PLXNC1: variants seen among roughly 807,000 people sequenced by gnomAD.
The protein encoded by PLXNC1 is plexin-C1.
Under a neutral mutation model 178.2 loss-of-function variants are expected in PLXNC1, and 75 were observed. The ratio of observed to expected loss-of-function variants is 0.42; its 90% confidence interval spans 0.35 to 0.51. The LOEUF is 0.51. Among genes scored for constraint, PLXNC1 ranks in the 20% least tolerant of loss-of-function variants. The pLI, the probability that PLXNC1 is intolerant of heterozygous loss-of-function variation, is 0.02. For missense variants in PLXNC1, 1,503 were observed against 1,984.4 expected, an observed-to-expected ratio of 0.76 and a Z score of 4.61; for synonymous variants, 790 against 779.9, an observed-to-expected ratio of 1.01 and a Z score of -0.22.
Position 94,209,583 on chromosome 12 carries a change from T to G in PLXNC1, c.1440-7T>G, listed in dbSNP as rs562396466. On this transcript the variant is annotated splice_region_variant and splice_polypyrimidine_tract_variant and intron_variant, in intron 4 of 30. Coordinates refer to ENST00000258526, the MANE Select transcript of PLXNC1 (RefSeq NM_005761.3). ...GGGGTCGCTGTTTTGTTGCCTCGTTTTTTTAGGTGCACTTTTCAAGGAGAT... is the reference window on the plus strand; with the variant it reads ...GGGGTCGCTGTTTTGTTGCCTCGTTGTTTTAGGTGCACTTTTCAAGGAGAT... The G allele has an allele frequency of 3.7e-5, 59 of 1,583,754 alleles. No homozygotes were observed. In the East Asian group the frequency reaches 1.3e-3, roughly 34 times the overall value.
At position 94,218,844 on chromosome 12, in the gene PLXNC1, A is replaced by G. The variant is rs142546602; in HGVS notation, c.1555-1172A>G. Among the ~76,000 whole-genome samples, 15 of 152,304 alleles carry G rather than the reference A, an allele frequency of 9.8e-5. No homozygotes were observed. The East Asian group carries it at 2.9e-3, about 29-fold the overall frequency. On this transcript the variant is annotated intron_variant, in intron 5 of 30. Coordinates refer to ENST00000258526, the MANE Select transcript of PLXNC1 (RefSeq NM_005761.3). The stretch of plus-strand genomic sequence containing the variant: ...TAACTAATTCTAAAGCACATTTCAC[A>G]GGCCACCTTCTTTAATCATTATCTA...
chr12:94,229,500 C>G (rs1964032210), intron 9 of PLXNC1, among the ~76,000 whole-genome samples: 2 of 152,116 alleles, frequency 1.3e-5, no homozygotes, highest in Non-Finnish European at 1.5e-5. Flanking sequence ...ATGAAACTTT[C>G]TTTCTGCATT....
At chr12:94,150,155 G>C (rs1046136277) in intron 1 of PLXNC1, 122 bp downstream of exon 1, 2 of 831,822 alleles carry the variant, frequency 2.4e-6, no homozygotes, top group Admixed American at 6.7e-5. Flanking sequence ...ACATTTACCA[G>C]GTCTCAGGTT....
chr12:94,166,059 G>A (rs1192855224), intron 1 of PLXNC1, among the ~76,000 whole-genome samples: 1 of 152,118 alleles, frequency 6.6e-6, no homozygotes, highest in Non-Finnish European at 1.5e-5. Flanking sequence ...AATAGGGAAT[G>A]GAGCTGCCAT....
intron 3 of PLXNC1, 78 bp downstream of exon 3, chr12:94,181,658 C>A: frequency 7.9e-7 from 1 of 1,271,442 alleles, no homozygotes; most frequent in Non-Finnish European, 1.1e-6. Context: ...AGTAGCAAAG[C>A]TTTTACTTTG....
At chr12:94,246,934 A>G (rs1365365128) in intron 12 of PLXNC1, among the ~76,000 whole-genome samples, 3 of 151,946 alleles carry the variant, frequency 2.0e-5, no homozygotes, top group Non-Finnish European at 2.9e-5. Flanking sequence ...CACCTGATAA[A>G]TTTCTTTTTA....
At chr12:94,177,249 A>G (rs996521726) in intron 2 of PLXNC1, among the ~76,000 whole-genome samples, 7 of 135,480 alleles carry the variant, frequency 5.2e-5, no homozygotes, top group Non-Finnish European at 7.8e-5. Context: ...ATATATATAT[A>G]TATGTATATA....
At chr12:94,249,032 C>T (rs1964605736) in intron 14 of PLXNC1, among the ~76,000 whole-genome samples, 1 of 151,894 alleles carries the variant, frequency 6.6e-6, no homozygotes, top group Non-Finnish European at 1.5e-5. Context: ...AGGCTCTGTA[C>T]AGCCTATATA....
chr12:94,244,745 C>T (rs1340760171), intron 12 of PLXNC1, among the ~76,000 whole-genome samples: 1 of 152,196 alleles, frequency 6.6e-6, no homozygotes, highest in Non-Finnish European at 1.5e-5. Context: ...TGCATAATTT[C>T]CGTGATATCC....
Position 94,224,228 on chromosome 12 carries a change from A to T in PLXNC1, c.1703A>T (p.Asp568Val). Reference sequence around the variant, plus strand: ...TGACATTTTCCCCCCTTCCCTCCAGATGTTTCAGTTGTCAACGTGATGTTC... The same window carrying T: ...TGACATTTTCCCCCCTTCCCTCCAGTTGTTTCAGTTGTCAACGTGATGTTC... ...CSIPTRATYK[D>V]VSVVNVMFSF... The change falls in exon 7 of 31, where the codon GAT becomes GTT. Residue 568 changes from aspartate to valine, a missense_variant and splice_region_variant. This residue lies in a region of PLXNC1 where 615 missense variants were observed against 698.6 expected (regional missense o/e 0.88). Transcript: ENST00000258526. 3 of 1,579,274 alleles carry T rather than the reference A, an allele frequency of 1.9e-6. No homozygotes were observed. The highest frequency in any genetic ancestry group is 1.3e-5 in the African/African-American group (1 of 74,334).
chr12:94,302,432 A>G (rs932676519), intron 28 of PLXNC1, among the ~76,000 whole-genome samples: 1 of 152,224 alleles, frequency 6.6e-6, no homozygotes, highest in Admixed American at 6.5e-5. Flanking sequence ...GGAGACTCAG[A>G]TCAGTCTACA....
intron 4 of PLXNC1, among the ~76,000 whole-genome samples, chr12:94,194,142 G>A (rs1439760025): frequency 2.6e-5 from 4 of 152,044 alleles, no homozygotes; most frequent in Non-Finnish European, 4.4e-5. Flanking sequence ...GGAAAGGGGG[G>A]TTGGGGAGGT....
intron 1 of PLXNC1, among the ~76,000 whole-genome samples, chr12:94,154,505 C>T (rs913452840): frequency 2.6e-5 from 4 of 152,114 alleles, no homozygotes; most frequent in Non-Finnish European, 4.4e-5. Context: ...AATGGGATTC[C>T]CCACTTATAA....
At position 94,275,576 on chromosome 12, in the gene PLXNC1, G is replaced by A. The variant is rs973878203; in HGVS notation, c.3598-3896G>A. 7.0e-5 allele frequency among the ~76,000 whole-genome samples: 6 copies of A among 86,124 alleles called. 2 individuals carry two copies. The highest frequency in any genetic ancestry group is 1.4e-4 in the Non-Finnish European group (6 of 42,514). 56.5% of individuals were successfully genotyped at this position (86,124 alleles called of 152,430 possible). On this transcript the variant is annotated intron_variant, in intron 21 of 30. Coordinates refer to ENST00000258526, the MANE Select transcript of PLXNC1 (RefSeq NM_005761.3). ...CGCCTTAAGAAACTGCTGTTTGGCC[G>A]GGCGCGGTGGCTCACGCCTGTAATC...
intron 1 of PLXNC1, among the ~76,000 whole-genome samples, chr12:94,165,552 T>C (rs1961578647): frequency 1.3e-5 from 2 of 152,226 alleles, no homozygotes; most frequent in African/African-American, 4.8e-5. Flanking sequence ...GTCCACGTCC[T>C]GGTCCCTGCA....
intron 1 of PLXNC1, among the ~76,000 whole-genome samples, chr12:94,155,605 G>A (rs1961137822): frequency 6.6e-6 from 1 of 152,094 alleles, no homozygotes; most frequent in African/African-American, 2.4e-5. Flanking sequence ...CTGATCAAAG[G>A]CAGTACCTAG....
chr12:94,228,753 A>G (rs1328498873), intron 9 of PLXNC1, among the ~76,000 whole-genome samples: 1 of 152,160 alleles, frequency 6.6e-6, no homozygotes, highest in Non-Finnish European at 1.5e-5. Context: ...TCTAAGGTTG[A>G]CTAATATTCC....
rs1163833204 is a variant in PLXNC1 at position 94,247,782 on chromosome 12, A to T, written c.2389-121A>T. On this transcript the variant is annotated intron_variant, in intron 12 of 30. Coordinates refer to ENST00000258526, the MANE Select transcript of PLXNC1 (RefSeq NM_005761.3). The stretch of plus-strand genomic sequence containing the variant: ...TGAGGGAGGTAGTTTTGCTGTCTCC[A>T]TATTACACATGAGAAAACAGAAGCA... The T allele has an allele frequency of 9.6e-6, 8 of 833,040 alleles. No individual in the cohort carries two copies. The South Asian group carries it at 1.1e-4, about 12-fold the overall frequency. The allele number at this position is 833,040 out of a possible 1,614,324, so 51.6% of individuals were successfully genotyped here. A position where few individuals can be genotyped will look rare whatever the true frequency, so the allele number is the denominator to read the frequency against.
intron 17 of PLXNC1, among the ~76,000 whole-genome samples, chr12:94,258,196 A>G (rs1360939153): frequency 6.6e-6 from 1 of 152,226 alleles, no homozygotes; most frequent in Non-Finnish European, 1.5e-5. Flanking sequence ...ACGATTAAGA[A>G]TCAACCTGTT....
Sources: allele counts gnomAD v4.1 joint callset (sites outside exome capture counted in the v4.1 genomes callset), GRCh38; gene constraint gnomAD v4.1.1; regional missense constraint gnomAD v4.1.1; transcripts MANE v1.5; gene names NCBI Gene and HGNC (gene_info 2026-07-23, HGNC 2026-07-21).